Variants in UNC5D observed in about 807,000 individuals in gnomAD.
UNC5D encodes unc-5 netrin receptor D, also known as netrin receptor UNC5D.
Under a neutral mutation model 105.4 loss-of-function variants are expected in UNC5D, and 39 were observed. The ratio of observed to expected loss-of-function variants is 0.37; its 90% CI spans 0.29 to 0.48. The LOEUF is 0.48. UNC5D is among the 20% of genes least tolerant of loss of function. The pLI is 0.98. For synonymous variants in UNC5D, 452 were observed against 450.4 expected, an observed-to-expected ratio of 1.00 and a Z score of -0.04; for missense variants, 991 against 1,202.4, an observed-to-expected ratio of 0.82 and a Z score of 2.60.
chr8:35,621,131 T>C (rs1294905709), intron 4 of UNC5D, among the ~76,000 whole-genome samples: 2 of 152,218 alleles, frequency 1.3e-5, no homozygotes, highest in Non-Finnish European at 2.9e-5. Context: ...TATTCCTGGC[T>C]GAGAATCCTT....
At chr8:35,466,183 A>G (rs183723168) in intron 1 of UNC5D, among the ~76,000 whole-genome samples, 124 of 152,230 alleles carry the variant, frequency 8.1e-4, no homozygotes, top group Non-Finnish European at 2.1e-4. Flanking sequence ...GCTGATCATA[A>G]TGTTGGGAAT....
At chr8:35,382,947 C>T (rs561896388) in intron 1 of UNC5D, among the ~76,000 whole-genome samples, 57 of 152,288 alleles carry the variant, frequency 3.7e-4, no homozygotes, top group Non-Finnish European at 5.6e-4. Flanking sequence ...AGGAATTCTG[C>T]GGCATAAGGC....
intron 4 of UNC5D, among the ~76,000 whole-genome samples, chr8:35,657,074 GTGTGTGTATATATATATATATATA>G (rs1465607770): frequency 3.1e-5 from 3 of 96,594 alleles, no homozygotes; most frequent in African/African-American, 1.5e-4. Flanking sequence ...GTGTGTGTGT[GTGTGTGTATATATATATATATATA>G]TATATATATA....
At chr8:35,253,473 C>CTTTTTTTTTTTTTTTT (rs58063448) in intron 1 of UNC5D, among the ~76,000 whole-genome samples, 1 of 99,824 alleles carries the variant, frequency 1.0e-5, no homozygotes. Flanking sequence ...ATTTTATTTC[C>CTTTTTTTTTTTTTTTT]TTTTTTTTTT....
intron 1 of UNC5D, among the ~76,000 whole-genome samples, chr8:35,413,291 G>GTGTGTGTGT (rs1554525297): frequency 1.5e-4 from 1 of 6,694 alleles, no homozygotes; most frequent in Non-Finnish European, 7.1e-4. Flanking sequence ...GTGTGTGTGT[G>GTGTGTGTGT]TTGTGTGTGT....
chr8:35,409,644 T>C (rs1445833270), intron 1 of UNC5D, among the ~76,000 whole-genome samples: 2 of 152,048 alleles, frequency 1.3e-5, no homozygotes, highest in African/African-American at 2.4e-5. Context: ...TGAGTATAAA[T>C]TTTTTATTGA....
intron 1 of UNC5D, among the ~76,000 whole-genome samples, chr8:35,548,845 G>A (rs547921311): frequency 3.3e-5 from 5 of 152,314 alleles, no homozygotes; most frequent in African/African-American, 1.2e-4. Flanking sequence ...TTTTATGGCT[G>A]AGTATCCTCT....
chr8:35,442,799 A>T (rs1384710775), intron 1 of UNC5D, among the ~76,000 whole-genome samples: 1 of 151,754 alleles, frequency 6.6e-6, no homozygotes. Flanking sequence ...GAGCAAACCC[A>T]ATTCAGACAA....
intron 7 of UNC5D, among the ~76,000 whole-genome samples, chr8:35,704,589 G>A (rs1304260973): frequency 6.6e-6 from 1 of 152,198 alleles, no homozygotes; most frequent in Non-Finnish European, 1.5e-5. Flanking sequence ...GTCTGTGAAT[G>A]ATTATCAACA....
At chr8:35,315,523 A>G (rs1219722038) in intron 1 of UNC5D, among the ~76,000 whole-genome samples, 2 of 152,166 alleles carry the variant, frequency 1.3e-5, no homozygotes. Flanking sequence ...AGGGGCTCTA[A>G]AATCAGCAAG....
chr8:35,584,915 T>G (rs553054322), intron 3 of UNC5D, among the ~76,000 whole-genome samples: 1 of 152,320 alleles, frequency 6.6e-6, no homozygotes, highest in Admixed American at 6.5e-5. Flanking sequence ...ATTCTCAATT[T>G]CTTTTTGGAA....
intron 1 of UNC5D, among the ~76,000 whole-genome samples, chr8:35,416,422 A>T (rs1805540208): frequency 6.6e-6 from 1 of 152,196 alleles, no homozygotes; most frequent in Non-Finnish European, 1.5e-5. Flanking sequence ...TGACTAATTG[A>T]GAACACATTT....
intron 1 of UNC5D, among the ~76,000 whole-genome samples, chr8:35,327,030 GA>G (rs1810219831): frequency 6.6e-6 from 1 of 152,106 alleles, no homozygotes; most frequent in African/African-American, 2.4e-5. Flanking sequence ...CTGTTGGAGG[GA>G]AATTTGTCTG....
intron 1 of UNC5D, among the ~76,000 whole-genome samples, chr8:35,269,522 T>A (rs550009227): frequency 7.9e-5 from 12 of 152,350 alleles, no homozygotes; most frequent in Admixed American, 5.2e-4. Flanking sequence ...AATGTTTTCC[T>A]GTATTTGTTG....
chr8:35,667,121 A>G (rs1824474905), intron 4 of UNC5D, among the ~76,000 whole-genome samples: 1 of 151,892 alleles, frequency 6.6e-6, no homozygotes, highest in African/African-American at 2.4e-5. Flanking sequence ...TTTTTTTTTC[A>G]AACTTGGAAC....
At chr8:35,554,243 AT>A (rs1328843684) in intron 2 of UNC5D, among the ~76,000 whole-genome samples, 1 of 152,164 alleles carries the variant, frequency 6.6e-6, no homozygotes, top group Non-Finnish European at 1.5e-5. Flanking sequence ...AAGAAAAGAG[AT>A]TGTGTGTTTT....
chr8:35,621,271 G>A (rs1282351179), intron 4 of UNC5D, among the ~76,000 whole-genome samples: 2 of 152,126 alleles, frequency 1.3e-5, no homozygotes, highest in East Asian at 1.9e-4. Context: ...TCAACAGATA[G>A]TCGTTAACAT....
chr8:35,379,659 T>A (rs1457770781), intron 1 of UNC5D, among the ~76,000 whole-genome samples: 3 of 152,042 alleles, frequency 2.0e-5, no homozygotes, highest in Admixed American at 6.5e-5. Flanking sequence ...CTCCCTGGAC[T>A]CTCTGTGGCA....
intron 1 of UNC5D, among the ~76,000 whole-genome samples, chr8:35,312,000 T>C (rs1808925483): frequency 6.6e-6 from 1 of 152,202 alleles, no homozygotes; most frequent in South Asian, 2.1e-4. Flanking sequence ...AATTCCCTCA[T>C]TCATTTGGAA....
Sources: gnomAD v4.1 joint callset for allele counts (sites outside exome capture counted in the v4.1 genomes callset) on GRCh38, gnomAD v4.1.1 for gene constraint, MANE v1.5 for transcripts, NCBI Gene and HGNC (gene_info 2026-07-23, HGNC 2026-07-21) for gene names.